Variants in PARL observed in about 807,000 individuals in gnomAD.
The protein encoded by PARL is presenilin associated rhomboid like.
PARL carries 44 observed loss-of-function variants against 51.6 expected under a neutral mutation model. The observed-to-expected ratio is 0.85, with a 90% CI of 0.67 to 1.10. The LOEUF (loss-of-function observed/expected upper bound fraction) is 1.10, where lower values mean the gene tolerates loss of function less well. PARL is among the 50% of genes least tolerant of loss of function. PARL has a pLI of 0.00. For missense variants in PARL, 441 were observed against 469.5 expected (o/e 0.94, Z 0.56); for synonymous variants, 172 against 164.0 (o/e 1.05, Z -0.37).
At chr3:183,856,163 A>G (rs1731156355) in intron 4 of PARL, among the ~76,000 whole-genome samples, 1 of 152,136 alleles carries the variant, frequency 6.6e-6, no homozygotes, top group East Asian at 1.9e-4. Context: ...GGAAAGCACT[A>G]CTTGGTTCAA....
chr3:183,831,697 G>A (rs2108578210), intron 9 of PARL, among the ~76,000 whole-genome samples: 1 of 152,086 alleles, frequency 6.6e-6, no homozygotes. Context: ...ATGTATAAGT[G>A]GATACTAATG....
intron 1 of PARL, among the ~76,000 whole-genome samples, chr3:183,878,802 C>T (rs1006956643): frequency 3.9e-5 from 6 of 152,098 alleles, no homozygotes; most frequent in African/African-American, 7.2e-5. Context: ...TGTCAAACTG[C>T]GGCCTATAGA....
At chr3:183,837,396 C>G (rs1331718550) in intron 7 of PARL, among the ~76,000 whole-genome samples, 1 of 152,134 alleles carries the variant, frequency 6.6e-6, no homozygotes, top group Non-Finnish European at 1.5e-5. Flanking sequence ...AAACGGGTGC[C>G]CAGCAAAGGC....
chr3:183,844,599 GCTTA>G lies in PARL; in HGVS notation c.512-277_512-274del, dbSNP rs1464910700. 8 of 385,562 alleles carry G rather than the reference GCTTA, an allele frequency of 2.1e-5. No homozygotes were observed. The East Asian group carries it at 4.1e-4, about 20-fold the overall frequency. 23.9% of individuals were successfully genotyped at this position (385,562 alleles called of 1,614,324 possible). On this transcript the variant is annotated intron_variant, in intron 4 of 9. Coordinates refer to ENST00000317096, the MANE Select transcript of PARL (RefSeq NM_018622.7). ...ATCCATATTTTACTTCTTTAGAAGA[GCTTA>G]CTTTTCTCAATTATAATCAGATCAA...
intron 1 of PARL, among the ~76,000 whole-genome samples, chr3:183,877,622 G>A (rs1389386074): frequency 1.3e-5 from 2 of 151,966 alleles, no homozygotes; most frequent in East Asian, 1.9e-4. Flanking sequence ...TTCAGTAACC[G>A]CCACTCTGAT....
chr3:183,846,901 G>T (rs764419181), intron 4 of PARL, among the ~76,000 whole-genome samples: 3 of 152,228 alleles, frequency 2.0e-5, no homozygotes, highest in Non-Finnish European at 2.9e-5. Flanking sequence ...GGTACAAGTT[G>T]TCAGAGGGCC....
intron 4 of PARL, among the ~76,000 whole-genome samples, chr3:183,849,566 A>G (rs553499945): frequency 4.6e-5 from 7 of 152,292 alleles, no homozygotes; most frequent in African/African-American, 1.7e-4. Flanking sequence ...TCTCAATTCA[A>G]TAATCTAACT....
intron 4 of PARL, chr3:183,846,674 C>T (rs565299274): frequency 1.4e-4 from 135 of 976,946 alleles, no homozygotes; most frequent in Non-Finnish European, 1.6e-4. Flanking sequence ...CATCAAACTG[C>T]TTTCATGGGG....
intron 6 of PARL, among the ~76,000 whole-genome samples, 161 bp from the exon 7 acceptor site, chr3:183,840,801 C>T (rs374527359): frequency 6.6e-6 from 1 of 151,528 alleles, no homozygotes; most frequent in Non-Finnish European, 1.5e-5. Flanking sequence ...CTGTGCCTAC[C>T]GGGTTCAAGT....
chr3:183,830,484 C>T (rs1186797673), intron 9 of PARL, among the ~76,000 whole-genome samples: 1 of 152,184 alleles, frequency 6.6e-6, no homozygotes, highest in Admixed American at 6.5e-5. Flanking sequence ...GGAGAAGCTC[C>T]TGAGGGCACT....
At chr3:183,836,328 T>C (rs1728587640) in intron 7 of PARL, among the ~76,000 whole-genome samples, 1 of 151,928 alleles carries the variant, frequency 6.6e-6, no homozygotes, top group African/African-American at 2.4e-5. Flanking sequence ...ATCTGTACAA[T>C]TCCATGGAAC....
At chr3:183,879,821 A>G (rs1734229176) in intron 1 of PARL, 2 of 238,206 alleles carry the variant, frequency 8.4e-6, no homozygotes, top group Non-Finnish European at 1.3e-5. Flanking sequence ...AGTTCAAGTG[A>G]TTCCCCTGCC....
chr3:183,833,896 A>T, intron 7 of PARL, 71 bp from the exon 8 acceptor site: 1 of 956,782 alleles, frequency 1.0e-6, no homozygotes, highest in African/African-American at 1.6e-5. Flanking sequence ...AGGTCTAAAG[A>T]GCAGCACATT....
chr3:183,840,481 T>C (rs1279968621), intron 7 of PARL, 89 bp downstream of exon 7: 5 of 679,192 alleles, frequency 7.4e-6, no homozygotes, highest in Non-Finnish European at 1.3e-5. Context: ...GAACCTCTTA[T>C]CAATTTTACA....
intron 7 of PARL, among the ~76,000 whole-genome samples, chr3:183,838,705 G>T (rs776479536): frequency 6.6e-6 from 1 of 152,124 alleles, no homozygotes; most frequent in Non-Finnish European, 1.5e-5. Flanking sequence ...GAAATCACAC[G>T]TAAGTAGCAG....
At chr3:183,857,446 T>C (rs2108651473) in intron 4 of PARL, among the ~76,000 whole-genome samples, 1 of 152,314 alleles carries the variant, frequency 6.6e-6, no homozygotes, top group African/African-American at 2.4e-5. Flanking sequence ...TGTATTGATA[T>C]AGAATGTTCT....
In PARL at chr3:183,838,346, G is replaced by A. The variant is rs182676553; in HGVS notation, c.828+2224C>T. ...CTGGCTGTCCCCTGCATCTTATAAC[G>A]TCTCACTAAACCAAGAGGACTAACG... On this transcript the variant is annotated intron_variant, in intron 7 of 9. Coordinates refer to ENST00000317096, the MANE Select transcript of PARL (RefSeq NM_018622.7). Among the ~76,000 whole-genome samples, 35 of 152,238 alleles carry A rather than the reference G, an allele frequency of 2.3e-4. No individual in the cohort carries two copies. In the East Asian group the frequency reaches 6.0e-3, roughly 26 times the overall value.
chr3:183,852,166 A>G (rs551484041), intron 4 of PARL, among the ~76,000 whole-genome samples: 2 of 152,328 alleles, frequency 1.3e-5, no homozygotes, highest in South Asian at 4.1e-4. Flanking sequence ...CAAAAAAATT[A>G]AAAACAGTAT....
chr3:183,835,901 T>C (rs964675329), intron 7 of PARL, among the ~76,000 whole-genome samples: 2 of 151,688 alleles, frequency 1.3e-5, no homozygotes, highest in Non-Finnish European at 2.9e-5. Context: ...ATTTGATTAG[T>C]TGATATGAAA....
Sources: allele counts gnomAD v4.1 joint callset (sites outside exome capture counted in the v4.1 genomes callset), GRCh38; gene constraint gnomAD v4.1.1; transcripts MANE v1.5; gene names NCBI Gene and HGNC (gene_info 2026-07-23, HGNC 2026-07-21).